Variants in HOXC9 observed in about 807,000 individuals in gnomAD.
HOXC9 encodes the protein homeobox C9, also known as homeobox protein Hox-C9.
HOXC9 carries 10 observed loss-of-function variants against 20.0 expected under a neutral mutation model. The ratio of observed to expected loss-of-function variants is 0.50; its 90% CI spans 0.31 to 0.85. The LOEUF (loss-of-function observed/expected upper bound fraction) is 0.85, where lower values mean the gene tolerates loss of function less well. Ranked by LOEUF, HOXC9 falls within the 40% of genes least tolerant of loss-of-function variation. The probability of loss-of-function intolerance (pLI) is 0.05; values close to 1 mark genes in which losing one functional copy is unlikely to be tolerated. For synonymous variants in HOXC9, 200 were observed against 163.7 expected, an observed-to-expected ratio of 1.22 and a Z score of -1.69; for missense variants, 394 against 376.7, an observed-to-expected ratio of 1.05 and a Z score of -0.38.
At chr12:54,002,395 G>C in intron 1 of HOXC9, 35 bp from the exon 2 acceptor site, 3 of 1,600,532 alleles carry the variant, frequency 1.9e-6, no homozygotes, top group Non-Finnish European at 2.6e-6. Flanking sequence ...CTGGAAAGGG[G>C]CTCCACTGAC....
chr12:54,003,247 GGTTCGTCCCCAGC>G lies in HOXC9; in HGVS notation c.*576_*588del, dbSNP rs1428710850. 6.6e-6 allele frequency: 1 copy of G among 152,332 alleles called. No individual in the cohort carries two copies. The highest frequency in any genetic ancestry group is 1.5e-5 in the Non-Finnish European group (1 of 68,226). 9.4% of individuals were successfully genotyped at this position (152,332 alleles called of 1,614,324 possible). On this transcript the variant is annotated 3_prime_UTR_variant, in exon 2 of 2. Coordinates refer to ENST00000303450, the MANE Select transcript of HOXC9 (RefSeq NM_006897.3). ...ACATAGTGTTCCCTCTCATCCCCAG[GGTTCGTCCCCAGC>G]GTCCGTCCTGTAACGTGCTTCTGTT...
At chr12:54,000,770 A>T in intron 1 of HOXC9, 44 bp downstream of exon 1, 92 of 1,232,210 alleles carry the variant, frequency 7.5e-5, no homozygotes, top group Non-Finnish European at 9.4e-5. Flanking sequence ...GCGGGAGGGG[A>T]GGGGAGGACG....
rs762700142 is a variant in HOXC9 at position 54,000,642 on chromosome 12, C to T, written c.454C>T (p.Arg152Cys). Reference protein sequence around the residue: ...MYGSPGELRDRAPQTLPSPEA... With the variant: ...MYGSPGELRDCAPQTLPSPEA... ...CGGCTCGCCCGGGGAGCTGCGCGAC[C>T]GCGCCCCGCAGACACTGCCCTCGCC... Residue 152 changes from arginine to cysteine, a missense_variant, in exon 1 of 2, where the codon CGC (arginine) becomes TGC (cysteine). Transcript: ENST00000303450. 2 of 1,546,168 alleles carry T rather than the reference C, an allele frequency of 1.3e-6. No individual in the cohort carries two copies. Among genetic ancestry groups the T allele is most frequent in the Admixed American group, 2.0e-5 (1 of 50,554 alleles).
chr12:54,000,439 C>A lies in HOXC9; in HGVS notation c.251C>A (p.Pro84His). ...GTATATCACCCGTACGGCCCCCAGC[C>A]CCACCTCGGCGCCGACACGCGCTAC... ...SVVYHPYGPQ[P>H]HLGADTRYMR... Residue 84 changes from proline to histidine, a missense_variant, in exon 1 of 2, where the codon CCC (proline) becomes CAC (histidine). Transcript: ENST00000303450. The A allele has an allele frequency of 6.2e-7, 1 of 1,607,066 alleles. No individual in the cohort carries two copies. The highest frequency in any genetic ancestry group is 8.5e-7 in the Non-Finnish European group (1 of 1,179,810).
rs200358721 is a variant in HOXC9 at position 54,000,490 on chromosome 12, C to G, written c.302C>G (p.Ser101Cys). The G allele has an allele frequency of 4.6e-5, 73 of 1,599,694 alleles. No homozygotes were observed. The highest frequency in any genetic ancestry group is 4.5e-5 in the East Asian group (2 of 44,788). ...ATGCGGACTTGGCTCGAGCCGCTGTCCGGCGCCGTCTCCTTCCCCAGCTTC... is the reference window on the plus strand; with the variant it reads ...ATGCGGACTTGGCTCGAGCCGCTGTGCGGCGCCGTCTCCTTCCCCAGCTTC... ...RYMRTWLEPL[S>C]GAVSFPSFPA... is the part of the protein sequence containing the mutation. The change falls in exon 1 of 2, where the codon TCC (serine) becomes TGC (cysteine). Residue 101 changes from serine to cysteine, a missense_variant. By Grantham distance (112) the Ser-to-Cys change is moderately radical (BLOSUM62 -1). Transcript: ENST00000303450.
rs1565726026 is a variant in HOXC9, at chr12:54,002,466, C to T, written c.575C>T (p.Thr192Met). The T allele has an allele frequency of 1.9e-5, 31 of 1,613,972 alleles. No homozygotes were observed. Among genetic ancestry groups the T allele is most frequent in the Non-Finnish European group, 2.3e-5 (27 of 1,180,004 alleles). Residue 192 changes from threonine (T) to methionine (M), a missense_variant, in exon 2 of 2, where the codon ACG becomes ATG. Thr to Met is a moderately conservative substitution (Grantham distance 81, BLOSUM62 -1). Transcript: ENST00000303450. ...PVANWIHARS[T>M]RKKRCPYTKY... The stretch of plus-strand genomic sequence containing the variant: ...GCCAACTGGATTCACGCCCGCTCCA[C>T]GAGGAAGAAGCGCTGCCCCTACACC...
Position 54,000,450 on chromosome 12 carries a change from G to T in HOXC9, c.262G>T (p.Ala88Ser). The T allele has an allele frequency of 6.2e-7, 1 of 1,604,770 alleles. No individual in the cohort carries two copies. The highest frequency in any genetic ancestry group is 1.7e-5 in the Admixed American group (1 of 60,000). Reference sequence around the variant, plus strand: ...GTACGGCCCCCAGCCCCACCTCGGCGCCGACACGCGCTACATGCGGACTTG... The same window carrying T: ...GTACGGCCCCCAGCCCCACCTCGGCTCCGACACGCGCTACATGCGGACTTG... The part of the protein sequence containing the change: ...HPYGPQPHLG[A>S]DTRYMRTWLE... The change falls in exon 1 of 2, where the codon GCC becomes TCC. Residue 88 changes from alanine to serine, a missense_variant. Transcript: ENST00000303450.
In HOXC9 at chr12:54,003,057, A is replaced by T. The variant is rs1939784738; in HGVS notation, c.*383A>T. 1 of 157,530 alleles carries T rather than the reference A, an allele frequency of 6.3e-6. No individual in the cohort carries two copies. Among genetic ancestry groups the T allele is most frequent in the African/African-American group, 2.4e-5 (1 of 41,038 alleles). 9.8% of individuals were successfully genotyped at this position (157,530 alleles called of 1,614,324 possible). On this transcript the variant is annotated 3_prime_UTR_variant, in exon 2 of 2. Transcript: ENST00000303450. ...CCCTGTATCGTATTTGGTCCAGGTCATCCCTCCCCGGGCCTGGGGCGCTCT... is the reference window on the plus strand; with the variant it reads ...CCCTGTATCGTATTTGGTCCAGGTCTTCCCTCCCCGGGCCTGGGGCGCTCT...
Position 54,000,674 on chromosome 12 carries a change from G to T in HOXC9, c.486G>T (p.Ala162=). Residue 162 remains alanine, a synonymous_variant, in exon 1 of 2, where the codon GCG becomes GCT. Transcript: ENST00000303450. ...CGCAGACACTGCCCTCGCCCGAGGC[G>T]GACGCGCTCGCCGGCAGCAAGCACA... The part of the protein sequence containing the change: ...RAPQTLPSPE[A]DALAGSKHKE... The T allele has an allele frequency of 6.4e-7, 1 of 1,563,146 alleles. No individual in the cohort carries two copies. The highest frequency in any genetic ancestry group is 1.9e-5 in the Admixed American group (1 of 52,536).
rs1292365211 is a variant in HOXC9, at chr12:54,002,496, A to G, written c.605A>G (p.Tyr202Cys). Residue 202 changes from tyrosine (Y) to cysteine (C), a missense_variant, in exon 2 of 2, where the codon TAC becomes TGC. By Grantham distance (194) the Tyr-to-Cys change is radical. Coordinates refer to ENST00000303450, the MANE Select transcript of HOXC9 (RefSeq NM_006897.3). Reference sequence around the variant, plus strand: ...AAGAAGCGCTGCCCCTACACCAAGTACCAGACGCTGGAACTGGAGAAGGAG... The same window carrying G: ...AAGAAGCGCTGCCCCTACACCAAGTGCCAGACGCTGGAACTGGAGAAGGAG... ...TRKKRCPYTK[Y>C]QTLELEKEFL... 1 of 1,614,166 alleles carries G rather than the reference A, an allele frequency of 6.2e-7. No homozygotes were observed. Among genetic ancestry groups the G allele is most frequent in the Admixed American group, 1.7e-5 (1 of 60,024 alleles).
At chr12:54,001,266 C>G (rs998745671) in intron 1 of HOXC9, among the ~76,000 whole-genome samples, 17 of 151,942 alleles carry the variant, frequency 1.1e-4, no homozygotes, top group Non-Finnish European at 1.0e-4. Context: ...TATTTCGAAG[C>G]CTGAGAACTT....
Position 54,003,186 on chromosome 12 carries a change from T to TGGGG in HOXC9, c.*512_*513insGGGG, listed in dbSNP as rs1939789177. 1 of 154,254 alleles carries TGGGG rather than the reference T, an allele frequency of 6.5e-6. No individual in the cohort carries two copies. Among genetic ancestry groups the TGGGG allele is most frequent in the Non-Finnish European group, 1.4e-5 (1 of 69,568 alleles). The allele number at this position is 154,254 out of a possible 1,614,324, so 9.6% of individuals were successfully genotyped here. ...GAGGGCTGGGGACCATGCCGCGGGC[T>TGGGG]AGGTCGGGCCCGTGCAGGCCGGCGC... On this transcript the variant is annotated 3_prime_UTR_variant, in exon 2 of 2. Transcript: ENST00000303450.
Position 54,000,643 on chromosome 12 carries a change from G to C in HOXC9, c.455G>C (p.Arg152Pro). The C allele has an allele frequency of 6.5e-7, 1 of 1,546,806 alleles. No homozygotes were observed. The highest frequency in any genetic ancestry group is 2.5e-5 in the East Asian group (1 of 40,558). Residue 152 changes from arginine (R) to proline (P), a missense_variant, in exon 1 of 2, where the codon CGC (arginine) becomes CCC (proline). Physicochemically the swap from Arg to Pro is moderately radical, Grantham distance 103. Coordinates refer to ENST00000303450, the MANE Select transcript of HOXC9 (RefSeq NM_006897.3). Reference protein sequence around the residue: ...MYGSPGELRDRAPQTLPSPEA... With the variant: ...MYGSPGELRDPAPQTLPSPEA... ...GGCTCGCCCGGGGAGCTGCGCGACC[G>C]CGCCCCGCAGACACTGCCCTCGCCC...
chr12:54,000,520 C>A lies in HOXC9; in HGVS notation c.332C>A (p.Ala111Asp). 1 of 1,589,814 alleles carries A rather than the reference C, an allele frequency of 6.3e-7. No individual in the cohort carries two copies. Among genetic ancestry groups the A allele is most frequent in the African/African-American group, 1.3e-5 (1 of 74,764 alleles). Residue 111 changes from alanine (A) to aspartate (D), a missense_variant, in exon 1 of 2, where the codon GCC becomes GAC. Coordinates refer to ENST00000303450, the MANE Select transcript of HOXC9 (RefSeq NM_006897.3). ...GCCGTCTCCTTCCCCAGCTTCCCGG[C>A]CGGGGGCCGTCACTACGCCCTCAAG... ...SGAVSFPSFPAGGRHYALKPD... is the reference protein window; with the variant it reads ...SGAVSFPSFPDGGRHYALKPD...
Position 54,000,243 on chromosome 12 carries a change from G to A in HOXC9, c.55G>A (p.Asp19Asn). ...TTACGTGGACTCGCTCATCTCTCAC[G>A]ACAATGAAGACCTCCTAGCGTCCAG... ...NYYVDSLISHDNEDLLASRFP... is the reference protein window; with the variant it reads ...NYYVDSLISHNNEDLLASRFP... Residue 19 changes from aspartate to asparagine, a missense_variant, in exon 1 of 2, where the codon GAC (aspartate) becomes AAC (asparagine). Physicochemically the swap from Asp to Asn is conservative, Grantham distance 23. Transcript: ENST00000303450. The A allele has an allele frequency of 5.0e-6, 8 of 1,614,130 alleles. 1 individual carries two copies. Among genetic ancestry groups the A allele is most frequent in the Non-Finnish European group, 5.1e-6 (6 of 1,180,036 alleles).
At position 54,000,320 on chromosome 12, in the gene HOXC9, G is replaced by A; in HGVS notation, c.132G>A (p.Val44=). 1.2e-6 allele frequency: 2 copies of A among 1,614,106 alleles called. No individual in the cohort carries two copies. The highest frequency in any genetic ancestry group is 8.5e-7 in the Non-Finnish European group (1 of 1,180,046). The change falls in exon 1 of 2, where the codon GTG becomes GTA. Residue 44 remains valine (V), a synonymous_variant. Coordinates refer to ENST00000303450, the MANE Select transcript of HOXC9 (RefSeq NM_006897.3). ...CCGCCGCCAGACCCAGCGGTTTGGT[G>A]CCGGACTGTAGCGATTTTCCGTCCT... ...HPAAARPSGL[V]PDCSDFPSCS... is the part of the protein sequence containing the mutation.
rs769201713 is a variant in HOXC9, at chr12:54,000,529, G to A, written c.341G>A (p.Arg114His). 1.9e-6 allele frequency: 3 copies of A among 1,581,460 alleles called. No individual in the cohort carries two copies. The highest frequency in any genetic ancestry group is 2.2e-5 in the South Asian group (2 of 88,892). The change falls in exon 1 of 2, where the codon CGT becomes CAT. Residue 114 changes from arginine to histidine, a missense_variant. Arg to His is a conservative substitution (Grantham distance 29). Coordinates refer to ENST00000303450, the MANE Select transcript of HOXC9 (RefSeq NM_006897.3). ...VSFPSFPAGG[R>H]HYALKPDAYP... The stretch of plus-strand genomic sequence containing the variant: ...TTCCCCAGCTTCCCGGCCGGGGGCC[G>A]TCACTACGCCCTCAAGCCGGACGCC...
At position 54,000,235 on chromosome 12, in the gene HOXC9, T is replaced by A; in HGVS notation, c.47T>A (p.Ile16Asn). The A allele has an allele frequency of 6.2e-7, 1 of 1,614,152 alleles. No individual in the cohort carries two copies. The highest frequency in any genetic ancestry group is 1.1e-5 in the South Asian group (1 of 91,086). ...AGTAACTATTACGTGGACTCGCTCA[T>A]CTCTCACGACAATGAAGACCTCCTA... is the stretch of plus-strand genomic sequence containing the variant. Reference protein sequence around the residue: ...PISNYYVDSLISHDNEDLLAS... With the variant: ...PISNYYVDSLNSHDNEDLLAS... Residue 16 changes from isoleucine to asparagine, a missense_variant, in exon 1 of 2, where the codon ATC becomes AAC. Physicochemically the swap from Ile to Asn is moderately radical, Grantham distance 149. Transcript: ENST00000303450.
intron 1 of HOXC9, 87 bp downstream of exon 1, chr12:54,000,813 C>T: frequency 4.0e-6 from 5 of 1,245,174 alleles, no homozygotes; most frequent in Non-Finnish European, 5.3e-6. Context: ...CCCTCCCGAA[C>T]CGTGCAGGGA....
Sources: gnomAD v4.1 joint callset for allele counts (sites outside exome capture counted in the v4.1 genomes callset) on GRCh38, gnomAD v4.1.1 for gene constraint, MANE v1.5 for transcripts, NCBI Gene and HGNC (gene_info 2026-07-23, HGNC 2026-07-21) for gene names.